PIKFYVE: variants seen among roughly 807,000 people sequenced by gnomAD.
The protein encoded by PIKFYVE is 1-phosphatidylinositol 3-phosphate 5-kinase.
PIKFYVE carries 122 observed loss-of-function variants against 257.9 expected under a neutral mutation model. That is an observed-to-expected ratio of 0.47 (90% CI 0.41 to 0.55). PIKFYVE has a LOEUF of 0.55. PIKFYVE is among the 20% of genes least tolerant of loss of function. PIKFYVE has a pLI of 0.00. For missense variants in PIKFYVE, 2,160 were observed against 2,536.6 expected (o/e 0.85, Z 3.19); for synonymous variants, 892 against 868.9 (o/e 1.03, Z -0.47).
At chr2:208,314,228 A>T (rs1695228173) in intron 13 of PIKFYVE, 66 bp from the exon 14 acceptor site, 1 of 1,543,392 alleles carries the variant, frequency 6.5e-7, no homozygotes, top group Admixed American at 1.8e-5. Context: ...CAATTTCTAA[A>T]TATATGAGTA....
At chr2:208,272,480 C>G (rs1355823659) in intron 2 of PIKFYVE, among the ~76,000 whole-genome samples, 1 of 152,042 alleles carries the variant, frequency 6.6e-6, no homozygotes, top group Non-Finnish European at 1.5e-5. Flanking sequence ...TTCTTGTTGA[C>G]TTAAAACTGT....
intron 26 of PIKFYVE, 54 bp downstream of exon 26, chr2:208,335,955 T>C: frequency 6.3e-7 from 1 of 1,577,316 alleles, no homozygotes; most frequent in Non-Finnish European, 8.7e-7. Flanking sequence ...TTAAAAATTA[T>C]TGATTAAAAA....
intron 15 of PIKFYVE, among the ~76,000 whole-genome samples, chr2:208,316,088 A>C: frequency 7.9e-6 from 1 of 127,334 alleles, no homozygotes; most frequent in South Asian, 2.5e-4. Flanking sequence ...ATGTGTTCTC[A>C]TTGTTCAATT....
Position 208,347,922 on chromosome 2 carries a change from C to T in PIKFYVE, c.5273C>T (p.Ser1758Phe). 6.2e-7 allele frequency: 1 copy of T among 1,613,994 alleles called. No individual in the cohort carries two copies. The highest frequency in any genetic ancestry group is 8.5e-7 in the Non-Finnish European group (1 of 1,179,894). ...ACAGCAGGGAAAAGCCCCGATCTCT[C>T]TTCCCAGAAGAGAGAGACCTTACGT... ...RGTAGKSPDL[S>F]SQKRETLRGA... is the part of the protein sequence containing the mutation. Residue 1758 changes from serine to phenylalanine, a missense_variant, in exon 35 of 42, where the codon TCT becomes TTT. By Grantham distance (155) the Ser-to-Phe change is radical (BLOSUM62 -2). This residue lies in a region of PIKFYVE where 699 missense variants were observed against 855.8 expected (regional missense o/e 0.82). Transcript: ENST00000264380.
chr2:208,301,010 G>A lies in PIKFYVE; in HGVS notation c.1124G>A (p.Arg375His), dbSNP rs1011559167. 5 of 1,614,180 alleles carry A rather than the reference G, an allele frequency of 3.1e-6. No individual in the cohort carries two copies. The highest frequency in any genetic ancestry group is 1.7e-5 in the Admixed American group (1 of 60,022). The stretch of plus-strand genomic sequence containing the variant: ...AGTGGAATGGAGTTTCAGGATCACC[G>A]CTACTGGTTGAGAACGCATCCCAAC... ...HSSGMEFQDHRYWLRTHPNCI... is the reference protein window; with the variant it reads ...HSSGMEFQDHHYWLRTHPNCI... The change falls in exon 9 of 42, where the codon CGC (arginine) becomes CAC (histidine). Residue 375 changes from arginine (R) to histidine (H), a missense_variant. Physicochemically the swap from Arg to His is conservative, Grantham distance 29. This residue lies in a region of PIKFYVE where 90 missense variants were observed against 110.6 expected (regional missense o/e 0.81). Transcript: ENST00000264380.
chr2:208,336,260 T>C, intron 27 of PIKFYVE, 60 bp downstream of exon 27: 1 of 1,596,088 alleles, frequency 6.3e-7, no homozygotes, highest in South Asian at 1.1e-5. Flanking sequence ...TAATGTGATA[T>C]CTTAAAACTT....
chr2:208,282,087 A>G (rs1032549214), intron 5 of PIKFYVE, among the ~76,000 whole-genome samples: 2 of 152,202 alleles, frequency 1.3e-5, no homozygotes, highest in Non-Finnish European at 2.9e-5. Context: ...TTAGCTTGAC[A>G]AAACCATTCT....
chr2:208,330,964 A>G (rs1199570598), intron 23 of PIKFYVE, among the ~76,000 whole-genome samples: 1 of 152,094 alleles, frequency 6.6e-6, no homozygotes, highest in Admixed American at 6.5e-5. Flanking sequence ...ACATATCTCA[A>G]TTTTGTTTAT....
intron 9 of PIKFYVE, 105 bp downstream of exon 9, chr2:208,301,199 C>CT: frequency 7.1e-7 from 1 of 1,405,054 alleles, no homozygotes; most frequent in South Asian, 1.2e-5. Context: ...TTAGGGTGCT[C>CT]TTTGTTTTAT....
intron 14 of PIKFYVE, among the ~76,000 whole-genome samples, chr2:208,314,818 C>T (rs554535961): frequency 6.6e-6 from 1 of 152,212 alleles, no homozygotes; most frequent in South Asian, 2.1e-4. Flanking sequence ...ATTGCTTGAA[C>T]TCAAGAGGCG....
At position 208,336,927 on chromosome 2, in the gene PIKFYVE, A is replaced by G. The variant is rs1574695465; in HGVS notation, c.4610A>G (p.Lys1537Arg). 6.2e-7 allele frequency: 1 copy of G among 1,606,010 alleles called. No individual in the cohort carries two copies. Among genetic ancestry groups the G allele is most frequent in the East Asian group, 2.2e-5 (1 of 44,670 alleles). ...AGACTGAGACAAGGGGAAGAAAGCA[A>G]GGTATGAAATGTAGTCTTGTCTTTG... ...PGRLRQGEES[K>R]ISAMDASPRN... The change falls in exon 28 of 42, where the codon AAG becomes AGG. Residue 1537 changes from lysine (K) to arginine (R), a missense_variant and splice_region_variant. Physicochemically the swap from Lys to Arg is conservative, Grantham distance 26. Coordinates refer to ENST00000264380, the MANE Select transcript of PIKFYVE (RefSeq NM_015040.4).
chr2:208,354,579 C>T lies in PIKFYVE; in HGVS notation c.6115C>T (p.Arg2039Ter), dbSNP rs1441339574. The T allele has an allele frequency of 1.2e-6, 2 of 1,611,838 alleles. No homozygotes were observed. Among genetic ancestry groups the T allele is most frequent in the Non-Finnish European group, 1.7e-6 (2 of 1,178,054 alleles). ...ELVVGIIDYI[R>*]TFTWDKKLEM... ...CTCCTTCTACCCCCCAGATTATATTCGAACATTTACATGGGACAAAAAGCT... is the reference window on the plus strand; with the variant it reads ...CTCCTTCTACCCCCCAGATTATATTTGAACATTTACATGGGACAAAAAGCT... Residue 2039 changes from arginine to a stop codon, truncating the protein, a stop_gained, in exon 41 of 42, where the codon CGA (arginine) becomes TGA (stop). Coordinates refer to ENST00000264380, the MANE Select transcript of PIKFYVE (RefSeq NM_015040.4). LOFTEE classifies it high-confidence loss of function.
intron 3 of PIKFYVE, 109 bp from the exon 4 acceptor site, chr2:208,276,603 A>C: frequency 1.2e-6 from 1 of 822,314 alleles, no homozygotes; most frequent in Non-Finnish European, 2.2e-6. Context: ...GGGTGGGAGA[A>C]CATAATTATA....
intron 34 of PIKFYVE, 88 bp from the exon 35 acceptor site, chr2:208,347,771 A>C: frequency 2.6e-6 from 3 of 1,151,266 alleles, no homozygotes; most frequent in Non-Finnish European, 3.8e-6. Context: ...TATAGTGGTT[A>C]CAACTAACAA....
intron 26 of PIKFYVE, 52 bp downstream of exon 26, chr2:208,335,953 T>C (rs924496062): frequency 6.3e-7 from 1 of 1,577,060 alleles, no homozygotes; most frequent in African/African-American, 1.4e-5. Flanking sequence ...GATTAAAAAT[T>C]ATTGATTAAA....
At chr2:208,339,884 A>T in intron 30 of PIKFYVE, 127 bp from the exon 31 acceptor site, 1 of 1,162,806 alleles carries the variant, frequency 8.6e-7, no homozygotes, top group Non-Finnish European at 1.2e-6. Context: ...TTGATCAGAA[A>T]TTTTAAACTG....
intron 35 of PIKFYVE, among the ~76,000 whole-genome samples, chr2:208,348,575 C>T (rs1699449903): frequency 7.0e-6 from 1 of 143,082 alleles, no homozygotes; most frequent in African/African-American, 2.6e-5. Context: ...AAAATGAGAC[C>T]TCTGTCTCTA....
In PIKFYVE at chr2:208,354,047, G is replaced by A. The variant is rs1700003028; in HGVS notation, c.5994G>A (p.Leu1998=). 6.2e-7 allele frequency: 1 copy of A among 1,613,950 alleles called. No individual in the cohort carries two copies. The highest frequency in any genetic ancestry group is 1.1e-5 in the South Asian group (1 of 91,072). ...TTCGTTCTCATTCCAAAGCTGTGCTGAGAACCTCGATCCATAGTGACTCCC... is the reference window on the plus strand; with the variant it reads ...TTCGTTCTCATTCCAAAGCTGTGCTAAGAACCTCGATCCATAGTGACTCCC... ...LYIRSHSKAV[L]RTSIHSDSHF... is the part of the protein sequence containing the mutation. Residue 1998 remains leucine (L), a synonymous_variant, in exon 40 of 42, where the codon CTG becomes CTA. Coordinates refer to ENST00000264380, the MANE Select transcript of PIKFYVE (RefSeq NM_015040.4).
chr2:208,283,675 G>A (rs1691139195), intron 5 of PIKFYVE, among the ~76,000 whole-genome samples: 1 of 152,034 alleles, frequency 6.6e-6, no homozygotes, highest in African/African-American at 2.4e-5. Flanking sequence ...CAGCTTCCTG[G>A]GCTCAAGCAA....
Sources: gnomAD v4.1 joint callset for allele counts (sites outside exome capture counted in the v4.1 genomes callset) on GRCh38, gnomAD v4.1.1 for gene constraint, gnomAD v4.1.1 regional missense constraint, MANE v1.5 for transcripts, NCBI Gene and HGNC (gene_info 2026-07-23, HGNC 2026-07-21) for gene names.